CDH13: variants seen among roughly 807,000 people sequenced by gnomAD.
The protein encoded by CDH13 is cadherin 13.
A neutral mutation model predicts 63.8 loss-of-function variants in CDH13; 24 were observed. That is an observed-to-expected ratio of 0.38 (90% CI 0.27 to 0.53). The LOEUF (loss-of-function observed/expected upper bound fraction) is 0.53. Among genes scored for constraint, CDH13 ranks in the 20% least tolerant of loss-of-function variants. The probability of loss-of-function intolerance (pLI) is 0.85; values close to 1 mark genes in which losing one functional copy is unlikely to be tolerated. For missense variants in CDH13, 1,049 were observed against 903.1 expected (o/e 1.16, Z -2.07); for synonymous variants, 503 against 355.3 (o/e 1.42, Z -4.67).
chr16:82,651,672 A>T (rs1910737148), intron 1 of CDH13, among the ~76,000 whole-genome samples: 2 of 152,236 alleles, frequency 1.3e-5, no homozygotes, highest in Admixed American at 6.5e-5. Context: ...TAGGTACGCC[A>T]TTGGAACAAA....
chr16:83,790,512 G>T (rs1299073843), intron 13 of CDH13, among the ~76,000 whole-genome samples: 1 of 152,102 alleles, frequency 6.6e-6, no homozygotes, highest in Non-Finnish European at 1.5e-5. Flanking sequence ...CCATTCTCCT[G>T]CCTCAGCCTC....
chr16:82,829,020 T>C (rs1443612212), intron 1 of CDH13, among the ~76,000 whole-genome samples: 2 of 152,124 alleles, frequency 1.3e-5, no homozygotes, highest in African/African-American at 4.8e-5. Context: ...CGATGGGTTT[T>C]AGAAAAAAGG....
intron 7 of CDH13, among the ~76,000 whole-genome samples, chr16:83,490,201 A>C (rs188381337): frequency 3.3e-5 from 5 of 152,240 alleles, no homozygotes; most frequent in Admixed American, 2.0e-4. Flanking sequence ...CCATTTAGTC[A>C]ATTTCCTTTC....
chr16:83,211,116 C>T (rs528622197), intron 4 of CDH13, among the ~76,000 whole-genome samples: 1 of 150,776 alleles, frequency 6.6e-6, no homozygotes, highest in African/African-American at 2.4e-5. Context: ...CCAGTGCACT[C>T]CAGCCTGGGT....
At chr16:83,672,823 C>G (rs1378923186) in intron 9 of CDH13, among the ~76,000 whole-genome samples, 2 of 152,132 alleles carry the variant, frequency 1.3e-5, no homozygotes, top group African/African-American at 2.4e-5. Flanking sequence ...TCTATTTACC[C>G]AAGTTTTATC....
intron 2 of CDH13, among the ~76,000 whole-genome samples, chr16:82,900,801 C>T (rs954014993): frequency 6.6e-6 from 1 of 152,214 alleles, no homozygotes; most frequent in Non-Finnish European, 1.5e-5. Flanking sequence ...AAGAATCAAT[C>T]ACTTCCTTTC....
chr16:83,223,996 TC>T lies in CDH13; in HGVS notation c.636+6504del, dbSNP rs527259668. 1.8e-3 allele frequency among the ~76,000 whole-genome samples: 279 copies of T among 152,276 alleles called. 2 individuals carry two copies. Among genetic ancestry groups the T allele is most frequent in the African/African-American group, 6.4e-3 (267 of 41,560 alleles). On this transcript the variant is annotated intron_variant, in intron 5 of 13. Transcript: ENST00000567109. ...TTATTCCTCATTCCCTTCCCACTCT[TC>T]CCCCTTGCCAAGTCCCCAAAGTCCA...
intron 1 of CDH13, among the ~76,000 whole-genome samples, chr16:82,851,319 C>A (rs1010265426): frequency 6.6e-6 from 1 of 151,764 alleles, no homozygotes; most frequent in Non-Finnish European, 1.5e-5. Flanking sequence ...CCTGTAATCC[C>A]AGCTACTCGG....
intron 5 of CDH13, among the ~76,000 whole-genome samples, chr16:83,321,064 A>C (rs930955818): frequency 6.6e-6 from 1 of 152,262 alleles, no homozygotes; most frequent in Non-Finnish European, 1.5e-5. Flanking sequence ...CATTTCATAG[A>C]GTTCATTGAT....
chr16:82,789,612 G>T (rs1008410583), intron 1 of CDH13, among the ~76,000 whole-genome samples: 1 of 152,200 alleles, frequency 6.6e-6, no homozygotes, highest in Non-Finnish European at 1.5e-5. Flanking sequence ...GGTCCATTGG[G>T]CAGGACACAC....
chr16:82,778,640 T>A (rs1197176253), intron 1 of CDH13, among the ~76,000 whole-genome samples: 1 of 150,908 alleles, frequency 6.6e-6, no homozygotes, highest in Non-Finnish European at 1.5e-5. Context: ...TAGATATGGC[T>A]GCCAGGGAGA....
At chr16:83,624,226 C>G (rs1184049430) in intron 8 of CDH13, among the ~76,000 whole-genome samples, 1 of 152,116 alleles carries the variant, frequency 6.6e-6, no homozygotes, top group Non-Finnish European at 1.5e-5. Flanking sequence ...CAGGAACACC[C>G]ACATCCTCTC....
chr16:83,753,492 GCCAAGA>G (rs1913260611), intron 11 of CDH13, among the ~76,000 whole-genome samples: 1 of 152,154 alleles, frequency 6.6e-6, no homozygotes, highest in Non-Finnish European at 1.5e-5. Flanking sequence ...GCTGCAGTGA[GCCAAGA>G]TCACACCGCT....
chr16:83,590,474 A>C (rs1162148573), intron 7 of CDH13, among the ~76,000 whole-genome samples: 4 of 152,116 alleles, frequency 2.6e-5, no homozygotes, highest in Non-Finnish European at 5.9e-5. Flanking sequence ...TGTGGGGAAG[A>C]TGGGTTCTGA....
At chr16:83,121,790 G>A (rs2151638594) in intron 3 of CDH13, among the ~76,000 whole-genome samples, 2 of 152,280 alleles carry the variant, frequency 1.3e-5, no homozygotes. Flanking sequence ...AGGGATATGT[G>A]CATTCATAAA....
intron 7 of CDH13, among the ~76,000 whole-genome samples, chr16:83,589,416 C>T (rs923694371): frequency 5.3e-5 from 8 of 150,906 alleles, no homozygotes; most frequent in East Asian, 3.9e-4. Context: ...CATCTACTCC[C>T]GCTGACACTG....
intron 3 of CDH13, among the ~76,000 whole-genome samples, chr16:83,117,461 C>G (rs143262364): frequency 2.8e-4 from 42 of 152,222 alleles, no homozygotes; most frequent in African/African-American, 8.7e-4. Flanking sequence ...ACCCTCTCCC[C>G]CTGAGCACTT....
At chr16:83,356,248 G>C (rs930538825) in intron 6 of CDH13, among the ~76,000 whole-genome samples, 2 of 115,520 alleles carry the variant, frequency 1.7e-5, no homozygotes, top group African/African-American at 4.0e-5. Flanking sequence ...GTGTGTGTGT[G>C]TGTGTGTGTG....
intron 7 of CDH13, among the ~76,000 whole-genome samples, chr16:83,496,946 C>T (rs1021234849): frequency 1.3e-5 from 2 of 152,164 alleles, no homozygotes; most frequent in East Asian, 1.9e-4. Context: ...AAATGCAAAT[C>T]AAAACCACAA....
Sources: allele counts gnomAD v4.1 joint callset (sites outside exome capture counted in the v4.1 genomes callset), GRCh38; gene constraint gnomAD v4.1.1; transcripts MANE v1.5; gene names NCBI Gene and HGNC (gene_info 2026-07-23, HGNC 2026-07-21).